Variants in CIT observed in about 807,000 individuals in gnomAD.
The protein encoded by CIT is citron rho-interacting serine/threonine kinase, also known as citron Rho-interacting kinase.
In CIT, 79 loss-of-function variants were observed where a neutral mutation model predicts 272.7. The ratio of observed to expected loss-of-function variants is 0.29; its 90% CI spans 0.24 to 0.35. The LOEUF (loss-of-function observed/expected upper bound fraction) is 0.35, where lower values mean the gene tolerates loss of function less well. Among genes scored for constraint, CIT ranks in the 10% least tolerant of loss-of-function variants. The pLI is 1.00. For synonymous variants in CIT, 948 were observed against 995.6 expected (o/e 0.95, Z 0.90); for missense variants, 1,909 against 2,618.3 (o/e 0.73, Z 5.91).
chr12:119,834,863 CAGTT>C (rs1315306350), intron 5 of CIT, among the ~76,000 whole-genome samples: 2 of 152,134 alleles, frequency 1.3e-5, no homozygotes, highest in Non-Finnish European at 2.9e-5. Context: ...AGCTATCCAT[CAGTT>C]AGAGACTGGC....
intron 21 of CIT, among the ~76,000 whole-genome samples, chr12:119,757,789 A>C (rs1331305829): frequency 6.6e-6 from 1 of 152,184 alleles, no homozygotes; most frequent in Admixed American, 6.5e-5. Context: ...AGTAAGGTCC[A>C]GGAGGATGCA....
At chr12:119,869,239 A>G (rs1488715386) in intron 2 of CIT, 38 bp from the exon 3 acceptor site, 7 of 1,570,404 alleles carry the variant, frequency 4.5e-6, no homozygotes, top group Non-Finnish European at 6.0e-6. Context: ...CACTGTCAAT[A>G]ATGAAAAGCT....
At chr12:119,848,903 G>A (rs891218680) in intron 5 of CIT, among the ~76,000 whole-genome samples, 9 of 152,164 alleles carry the variant, frequency 5.9e-5, no homozygotes, top group East Asian at 1.9e-4. Context: ...GTGTATGCCC[G>A]GGAGGCTGAG....
chr12:119,758,611 A>G lies in CIT; in HGVS notation c.2511T>C (p.Ser837=). 1.2e-6 allele frequency: 2 copies of G among 1,611,330 alleles called. No homozygotes were observed. The highest frequency in any genetic ancestry group is 8.5e-7 in the Non-Finnish European group (1 of 1,177,420). ...CTTACATGTTCCTTTGGGTAAAAAG[A>G]CTGCTATTTGCTGCAAGTTTATTGG... ...SEANKLAANS[S]LFTQRNMKAQ... The change falls in exon 21 of 48, where the codon AGT becomes AGC. Residue 837 remains serine, a synonymous_variant. Transcript: ENST00000392521.
chr12:119,865,801 C>T (rs1318276388), intron 3 of CIT, among the ~76,000 whole-genome samples: 11 of 139,946 alleles, frequency 7.9e-5, no homozygotes, highest in African/African-American at 2.7e-4. Context: ...ACCCGGGATG[C>T]GGAGGTTGCA....
At chr12:119,803,441 G>C (rs115940810) in intron 9 of CIT, 52 bp from the exon 10 acceptor site, 1 of 1,312,976 alleles carries the variant, frequency 7.6e-7, no homozygotes, top group South Asian at 1.4e-5. Flanking sequence ...AATTTCAGCC[G>C]GATTCAACAC....
chr12:119,757,614 AG>A (rs1961183221), intron 21 of CIT, 69 bp from the exon 22 acceptor site: 1 of 1,583,318 alleles, frequency 6.3e-7, no homozygotes, highest in African/African-American at 1.3e-5. Context: ...TTTCCACGGG[AG>A]GTAGACGGAC....
At chr12:119,782,796 A>C (rs1302612940) in intron 12 of CIT, 159 bp from the exon 13 acceptor site, 2 of 776,116 alleles carry the variant, frequency 2.6e-6, no homozygotes, top group African/African-American at 3.5e-5. Flanking sequence ...TCCGGTTTCC[A>C]TCCTGTAAAA....
At chr12:119,799,798 G>T (rs996667327) in intron 10 of CIT, among the ~76,000 whole-genome samples, 9 of 151,232 alleles carry the variant, frequency 6.0e-5, no homozygotes, top group Admixed American at 3.3e-4. Flanking sequence ...TTTTAATGTG[G>T]CTCAAAACTT....
intron 9 of CIT, among the ~76,000 whole-genome samples, chr12:119,809,551 T>A (rs1237696181): frequency 6.6e-6 from 1 of 152,186 alleles, no homozygotes; most frequent in Non-Finnish European, 1.5e-5. Context: ...GAAGCAGGCC[T>A]TGAAAAACAG....
At chr12:119,754,420 T>A (rs1593606158) in intron 22 of CIT, among the ~76,000 whole-genome samples, 1 of 152,052 alleles carries the variant, frequency 6.6e-6, no homozygotes, top group African/African-American at 2.4e-5. Context: ...CACAGCAGAG[T>A]GGACCTCTAC....
intron 40 of CIT, among the ~76,000 whole-genome samples, chr12:119,707,161 T>C (rs1422004454): frequency 2.0e-5 from 3 of 152,138 alleles, no homozygotes; most frequent in Admixed American, 2.0e-4. Flanking sequence ...AAGGTTCATC[T>C]CTCTCTCACA....
At chr12:119,751,168 A>G (rs189031863) in intron 23 of CIT, among the ~76,000 whole-genome samples, 1 of 152,254 alleles carries the variant, frequency 6.6e-6, no homozygotes, top group East Asian at 1.9e-4. Flanking sequence ...TCCTCCGGGG[A>G]TCCTTCCAAG....
At position 119,687,064 on chromosome 12, in the gene CIT, C is replaced by T. The variant is rs1199658831; in HGVS notation, c.*1168G>A. ...GTGGGAGGTGGTGGTTTGCTGAAAT[C>T]CTTCTCTGGTCGTAAGGCTTGAGCG... On this transcript the variant is annotated 3_prime_UTR_variant, in exon 48 of 48. Transcript: ENST00000392521. The T allele has an allele frequency of 1.3e-5, 2 of 153,034 alleles. No individual in the cohort carries two copies. The highest frequency in any genetic ancestry group is 2.4e-5 in the African/African-American group (1 of 41,454). 9.5% of individuals were successfully genotyped at this position (153,034 alleles called of 1,614,324 possible). A position where few individuals can be genotyped will look rare whatever the true frequency, so the allele number is the denominator to read the frequency against.
chr12:119,740,182 G>A (rs1016482496), intron 24 of CIT, among the ~76,000 whole-genome samples: 1 of 152,090 alleles, frequency 6.6e-6, no homozygotes. Flanking sequence ...AGAACACAGA[G>A]GTAAATGAAG....
chr12:119,874,247 T>C (rs1196495546), intron 2 of CIT, among the ~76,000 whole-genome samples: 1 of 152,122 alleles, frequency 6.6e-6, no homozygotes, highest in African/African-American at 2.4e-5. Flanking sequence ...ATTTTCTATA[T>C]TTTTAGTAGA....
intron 5 of CIT, among the ~76,000 whole-genome samples, chr12:119,848,902 C>T (rs1452410705): frequency 2.0e-5 from 3 of 151,804 alleles, no homozygotes; most frequent in African/African-American, 7.3e-5. Context: ...GGTGTATGCC[C>T]GGGAGGCTGA....
At chr12:119,704,904 G>A (rs1384166483) in intron 40 of CIT, among the ~76,000 whole-genome samples, 2 of 152,132 alleles carry the variant, frequency 1.3e-5, no homozygotes, top group East Asian at 1.9e-4. Context: ...ACTGCTAAAC[G>A]AATTTAGAGA....
At chr12:119,722,232 T>C (rs1309357630) in intron 28 of CIT, among the ~76,000 whole-genome samples, 1 of 152,224 alleles carries the variant, frequency 6.6e-6, no homozygotes, top group Non-Finnish European at 1.5e-5. Context: ...AGAGCAGGCA[T>C]CCTGATGAGA....
Sources: allele counts gnomAD v4.1 joint callset (sites outside exome capture counted in the v4.1 genomes callset), GRCh38; gene constraint gnomAD v4.1.1; transcripts MANE v1.5; gene names NCBI Gene and HGNC (gene_info 2026-07-23, HGNC 2026-07-21).